DSCAML1: variants seen among roughly 807,000 people sequenced by gnomAD.
The protein encoded by DSCAML1 is DS cell adhesion molecule like 1, also known as cell adhesion molecule DSCAML1.
In DSCAML1, 38 loss-of-function variants were observed where a neutral mutation model predicts 200.5. That is an observed-to-expected ratio of 0.19 (90% CI 0.15 to 0.25). The LOEUF (loss-of-function observed/expected upper bound fraction) is 0.25, where lower values mean the gene tolerates loss of function less well. Ranked by LOEUF, DSCAML1 falls within the 10% of genes least tolerant of loss-of-function variation. The pLI is 1.00. For synonymous variants in DSCAML1, 1,215 were observed against 1,165.0 expected (o/e 1.04, Z -0.87); for missense variants, 2,223 against 2,858.8 (o/e 0.78, Z 5.07).
intron 11 of DSCAML1, among the ~76,000 whole-genome samples, chr11:117,493,465 C>T (rs56703842): frequency 0.19 from 27,525 of 147,474 alleles, 2,794 homozygotes; most frequent in African/African-American, 0.28. Flanking sequence ...TACAGGGGTG[C>T]GCCATCATGC....
intron 3 of DSCAML1, among the ~76,000 whole-genome samples, chr11:117,672,514 C>T (rs1422333570): frequency 6.6e-6 from 1 of 152,206 alleles, no homozygotes; most frequent in Non-Finnish European, 1.5e-5. Flanking sequence ...TAAGGATTTG[C>T]CATCACTCAG....
At chr11:117,715,899 C>G (rs1027365162) in intron 3 of DSCAML1, among the ~76,000 whole-genome samples, 2 of 152,172 alleles carry the variant, frequency 1.3e-5, no homozygotes, top group African/African-American at 4.8e-5. Context: ...ATACCAATTC[C>G]TAGTTGGTCA....
chr11:117,562,186 C>G (rs2050675913), intron 3 of DSCAML1, among the ~76,000 whole-genome samples: 1 of 152,162 alleles, frequency 6.6e-6, no homozygotes, highest in Non-Finnish European at 1.5e-5. Context: ...ATGGAAGTGG[C>G]CCTCTAAGAT....
At chr11:117,589,278 T>C (rs778785430) in intron 3 of DSCAML1, among the ~76,000 whole-genome samples, 4 of 152,150 alleles carry the variant, frequency 2.6e-5, no homozygotes, top group Non-Finnish European at 5.9e-5. Context: ...CTAGACCCGG[T>C]TGGATTCGAT....
At chr11:117,560,541 C>A (rs939197968) in intron 3 of DSCAML1, among the ~76,000 whole-genome samples, 1 of 152,204 alleles carries the variant, frequency 6.6e-6, no homozygotes, top group African/African-American at 2.4e-5. Context: ...GAAAGCCAGA[C>A]TCAGAACCCA....
intron 3 of DSCAML1, among the ~76,000 whole-genome samples, chr11:117,551,091 C>T (rs779886497): frequency 2.0e-5 from 3 of 152,162 alleles, no homozygotes; most frequent in African/African-American, 2.4e-5. Flanking sequence ...CTACACGTTG[C>T]GTTATCCTCT....
intron 3 of DSCAML1, among the ~76,000 whole-genome samples, chr11:117,609,060 ATGGTGT>A (rs1437839382): frequency 1.3e-5 from 2 of 151,804 alleles, no homozygotes; most frequent in Non-Finnish European, 2.9e-5. Context: ...TTGTCTGGGC[ATGGTGT>A]TGTGTGCCTG....
rs1419095765 is a variant in DSCAML1 at position 117,603,115 on chromosome 11, C to CA, written c.512-70594dup. 1.4e-3 allele frequency among the ~76,000 whole-genome samples: 217 copies of CA among 151,350 alleles called. 3 individuals are homozygous for CA. In the South Asian group the frequency reaches 0.026, roughly 18 times the overall value. ...GTCCCAACAAAACAAACAACAACAA[C>CA]AACAAAAAAACCCAAACCAATCAGA... On this transcript the variant is annotated intron_variant, in intron 3 of 32. Coordinates refer to ENST00000651296, the MANE Select transcript of DSCAML1 (RefSeq NM_020693.4).
At chr11:117,743,325 C>T (rs1008782927) in intron 3 of DSCAML1, among the ~76,000 whole-genome samples, 2 of 152,162 alleles carry the variant, frequency 1.3e-5, no homozygotes, top group Admixed American at 1.3e-4. Flanking sequence ...GGCCAGTCCC[C>T]AGAGGGTTAC....
intron 3 of DSCAML1, among the ~76,000 whole-genome samples, chr11:117,738,080 T>A (rs1203111285): frequency 2.6e-5 from 4 of 152,178 alleles, no homozygotes; most frequent in Non-Finnish European, 4.4e-5. Context: ...AGGCAGAATG[T>A]AGGTTACTCA....
At chr11:117,756,714 A>T (rs892249579) in intron 3 of DSCAML1, among the ~76,000 whole-genome samples, 10 of 151,980 alleles carry the variant, frequency 6.6e-5, no homozygotes, top group Admixed American at 1.3e-4. Context: ...CAACACCGAG[A>T]GGTAGCTGGT....
chr11:117,582,625 C>G (rs2005429), intron 3 of DSCAML1, among the ~76,000 whole-genome samples: 4 of 152,160 alleles, frequency 2.6e-5, no homozygotes, highest in Admixed American at 2.0e-4. Flanking sequence ...AGGGGACCCT[C>G]AGGCCTGCCA....
intron 3 of DSCAML1, among the ~76,000 whole-genome samples, chr11:117,563,032 C>G (rs1056900056): frequency 1.3e-5 from 2 of 152,144 alleles, no homozygotes; most frequent in African/African-American, 4.8e-5. Context: ...GACGTGCCCC[C>G]GTTCCAGCCT....
At chr11:117,430,608 G>A in intron 32 of DSCAML1, 114 bp downstream of exon 32, 4 of 1,297,498 alleles carry the variant, frequency 3.1e-6, no homozygotes, top group Admixed American at 5.0e-5. Context: ...CTGCCAAGGA[G>A]CCAAGCTGGG....
Position 117,780,684 on chromosome 11 carries a change from C to T in DSCAML1, c.173G>A (p.Arg58Gln). ...PAAGSPSAAL[R>Q]WYLATGDDIY... ...GTCGTCCCCTGTGGCCAGGTACCAT[C>T]GAAGGGCCGCGCTGGGGGAGCCCGC... is the stretch of plus-strand genomic sequence containing the variant. The change falls in exon 2 of 33, where the codon CGA becomes CAA. Residue 58 changes from arginine (R) to glutamine (Q), a missense_variant. This residue lies in a region of DSCAML1 where 579 missense variants were observed against 721.5 expected (regional missense o/e 0.80). Coordinates refer to ENST00000651296, the MANE Select transcript of DSCAML1 (RefSeq NM_020693.4). This position sits in a 1 kb window ranked among gnomAD's most constrained non-coding sequence, Gnocchi z 4.8. 3 of 1,592,306 alleles carry T rather than the reference C, an allele frequency of 1.9e-6. No individual in the cohort carries two copies. The highest frequency in any genetic ancestry group is 1.1e-5 in the South Asian group (1 of 88,106).
intron 16 of DSCAML1, among the ~76,000 whole-genome samples, chr11:117,468,924 C>T (rs1045275724): frequency 5.3e-5 from 8 of 152,196 alleles, no homozygotes; most frequent in African/African-American, 1.9e-4. Context: ...AGAAAGTCAC[C>T]GTGGACAATT....
At chr11:117,770,409 G>A (rs563841363) in intron 3 of DSCAML1, among the ~76,000 whole-genome samples, 3 of 152,300 alleles carry the variant, frequency 2.0e-5, no homozygotes, top group South Asian at 2.1e-4. Flanking sequence ...CTGAACAGCA[G>A]AGAATCACAA....
chr11:117,627,281 C>T (rs74681797), intron 3 of DSCAML1, among the ~76,000 whole-genome samples: 2,382 of 152,186 alleles, frequency 0.016, 31 homozygotes, highest in East Asian at 0.058. Context: ...TACAAGTAAC[C>T]CCGCCTCTTC....
chr11:117,463,364 C>CTA lies in DSCAML1; in HGVS notation c.3265+1577_3265+1578insTA, dbSNP rs1410044784. ...GGGAACTTATTAGAAATAATACATCCTTTTTTTTTTTTTTTTAGAGATGGG... is the reference window on the plus strand; with the variant it reads ...GGGAACTTATTAGAAATAATACATCCTATTTTTTTTTTTTTTTTAGAGATGGG... On this transcript the variant is annotated intron_variant, in intron 17 of 32. Coordinates refer to ENST00000651296, the MANE Select transcript of DSCAML1 (RefSeq NM_020693.4). This position sits in a 1 kb window ranked among gnomAD's most constrained non-coding sequence, Gnocchi z 4.0. 7.1e-6 allele frequency among the ~76,000 whole-genome samples: 1 copy of CTA among 141,456 alleles called. No individual in the cohort carries two copies. Among genetic ancestry groups the CTA allele is most frequent in the Admixed American group, 7.1e-5 (1 of 14,026 alleles). The allele number at this position is 141,456 out of a possible 152,430, so 92.8% of individuals were successfully genotyped here.
Sources: allele counts gnomAD v4.1 joint callset (sites outside exome capture counted in the v4.1 genomes callset), GRCh38; gene constraint gnomAD v4.1.1; regional missense constraint gnomAD v4.1.1; non-coding constraint Gnocchi (gnomAD v3.1); transcripts MANE v1.5; gene names NCBI Gene and HGNC (gene_info 2026-07-23, HGNC 2026-07-21).